PACC1: variants seen among roughly 807,000 people sequenced by gnomAD.
PACC1 encodes the protein proton activated chloride channel 1.
PACC1 carries 34 observed loss-of-function variants against 39.7 expected under a neutral mutation model. The observed-to-expected ratio is 0.86, with a 90% CI of 0.65 to 1.14. The LOEUF is 1.14. PACC1 is among the 50% of genes most tolerant of loss of function. The probability of loss-of-function intolerance (pLI) is 0.00; values close to 1 mark genes in which losing one functional copy is unlikely to be tolerated. For synonymous variants in PACC1, 127 were observed against 160.6 expected (o/e 0.79, Z 1.58); for missense variants, 379 against 436.4 (o/e 0.87, Z 1.17).
At chr1:212,381,958 T>G (rs1397091918) in intron 4 of PACC1, among the ~76,000 whole-genome samples, 1 of 152,220 alleles carries the variant, frequency 6.6e-6, no homozygotes, top group Admixed American at 6.5e-5. Context: ...TCTCAGCCAT[T>G]GTATTTGCAG....
intron 7 of PACC1, among the ~76,000 whole-genome samples, chr1:212,372,199 C>A (rs1375792886): frequency 2.6e-5 from 4 of 150,968 alleles, no homozygotes; most frequent in Non-Finnish European, 4.4e-5. Flanking sequence ...GCACAAGAAT[C>A]ATTTGAACCT....
At chr1:212,366,949 C>T (rs1400658175) in intron 7 of PACC1, among the ~76,000 whole-genome samples, 1 of 152,178 alleles carries the variant, frequency 6.6e-6, no homozygotes, top group African/African-American at 2.4e-5. Flanking sequence ...AAACAGTTTC[C>T]TGTAAGCCAT....
At chr1:212,377,424 G>T in intron 6 of PACC1, 138 bp downstream of exon 6, 1 of 1,162,462 alleles carries the variant, frequency 8.6e-7, no homozygotes, top group Non-Finnish European at 1.2e-6. Flanking sequence ...CTCCATGGGA[G>T]TCCCTTCTCA....
chr1:212,378,952 C>CT (rs141994711), intron 5 of PACC1, among the ~76,000 whole-genome samples: 22,265 of 143,298 alleles, frequency 0.16, 2,340 homozygotes, highest in East Asian at 0.42. Context: ...TTATGATTTC[C>CT]TTTTTTTTTT....
chr1:212,393,074 C>T (rs1247212481), intron 2 of PACC1, among the ~76,000 whole-genome samples: 4 of 152,202 alleles, frequency 2.6e-5, no homozygotes, highest in Non-Finnish European at 4.4e-5. Context: ...TTCAGCTCTG[C>T]ACCAAGCAGA....
chr1:212,400,306 G>A (rs765044125), intron 2 of PACC1, among the ~76,000 whole-genome samples: 2 of 152,196 alleles, frequency 1.3e-5, no homozygotes, highest in Non-Finnish European at 2.9e-5. Context: ...GTTAAGGAAA[G>A]AGATGAAGTT....
chr1:212,379,699 C>T (rs950200973), intron 5 of PACC1, among the ~76,000 whole-genome samples, 196 bp downstream of exon 5: 3 of 152,200 alleles, frequency 2.0e-5, no homozygotes, highest in Non-Finnish European at 4.4e-5. Flanking sequence ...TCCTCCACAC[C>T]AGATTTGCTT....
chr1:212,398,596 G>C (rs1204963497), intron 2 of PACC1, among the ~76,000 whole-genome samples: 1 of 152,220 alleles, frequency 6.6e-6, no homozygotes, highest in Non-Finnish European at 1.5e-5. Flanking sequence ...GGGTAGCTGA[G>C]AGCTAAGCCA....
intron 2 of PACC1, among the ~76,000 whole-genome samples, chr1:212,401,185 C>T (rs1661696318): frequency 6.6e-6 from 1 of 151,948 alleles, no homozygotes. Context: ...TTTTCATTAC[C>T]CAAAAAGAAA....
intron 7 of PACC1, among the ~76,000 whole-genome samples, chr1:212,370,204 C>T (rs140191294): frequency 4.6e-5 from 7 of 152,274 alleles, no homozygotes; most frequent in Admixed American, 2.6e-4. Context: ...CGGAGGCTCA[C>T]GCCTGTAATC....
intron 7 of PACC1, among the ~76,000 whole-genome samples, chr1:212,367,371 T>G (rs868030062): frequency 1.1e-4 from 17 of 151,890 alleles, no homozygotes; most frequent in Middle Eastern, 3.4e-3. Context: ...GAGAGGGAAG[T>G]GAGTCTGGAA....
intron 6 of PACC1, among the ~76,000 whole-genome samples, chr1:212,376,124 C>G (rs1465682273): frequency 6.6e-6 from 1 of 152,048 alleles, no homozygotes; most frequent in Non-Finnish European, 1.5e-5. Flanking sequence ...ATCTGGTTGT[C>G]AATTACTAAA....
intron 1 of PACC1, among the ~76,000 whole-genome samples, chr1:212,412,733 C>T (rs570787340): frequency 1.4e-4 from 22 of 152,296 alleles, no homozygotes; most frequent in Middle Eastern, 6.8e-3. Context: ...GCTAGGCTGG[C>T]TATGTGTGGA....
Position 212,365,216 on chromosome 1 carries a change from C to A in PACC1, c.1052G>T (p.Ter351LeuextTer22). Residue 351 changes from the stop codon to leucine (L), a stop_lost, in exon 8 of 8, where the codon TGA becomes TTA. Coordinates refer to ENST00000261455, the MANE Select transcript of PACC1 (RefSeq NM_018252.3). Reference protein sequence around the residue: ...RRGQATSHIS* With the variant: ...RRGQATSHISL ...TTCTCTAAACAACGCGAGGTGACTT[C>A]AGCTTATGTGGCTCGTTGCCTGACC... 1 of 1,612,630 alleles carries A rather than the reference C, an allele frequency of 6.2e-7. No individual in the cohort carries two copies. Among genetic ancestry groups the A allele is most frequent in the Non-Finnish European group, 8.5e-7 (1 of 1,179,424 alleles).
At chr1:212,405,551 G>A (rs1345312352) in intron 2 of PACC1, among the ~76,000 whole-genome samples, 1 of 152,120 alleles carries the variant, frequency 6.6e-6, no homozygotes, top group Non-Finnish European at 1.5e-5. Context: ...CTGAGTTCCT[G>A]GAGGAACTTA....
chr1:212,410,835 C>T (rs917002482), intron 1 of PACC1, among the ~76,000 whole-genome samples: 2 of 152,210 alleles, frequency 1.3e-5, no homozygotes, highest in African/African-American at 4.8e-5. Flanking sequence ...TTGGCTCCTT[C>T]TTCTACGAGT....
At chr1:212,370,272 C>T (rs186921835) in intron 7 of PACC1, among the ~76,000 whole-genome samples, 87 of 152,342 alleles carry the variant, frequency 5.7e-4, no homozygotes, top group African/African-American at 2.0e-3. Context: ...TGAGACCATC[C>T]TGGCTAACAC....
At chr1:212,403,295 GTCC>G (rs1013997809) in intron 2 of PACC1, among the ~76,000 whole-genome samples, 2 of 152,138 alleles carry the variant, frequency 1.3e-5, no homozygotes, top group African/African-American at 4.8e-5. Flanking sequence ...CTGCTACACT[GTCC>G]TCCTTTCTTG....
intron 6 of PACC1, among the ~76,000 whole-genome samples, chr1:212,376,093 T>G (rs1220397982): frequency 6.6e-6 from 1 of 152,152 alleles, no homozygotes; most frequent in Non-Finnish European, 1.5e-5. Context: ...CTGTAAATAC[T>G]TAGTAGGTGT....
Sources: allele counts gnomAD v4.1 joint callset (sites outside exome capture counted in the v4.1 genomes callset), GRCh38; gene constraint gnomAD v4.1.1; transcripts MANE v1.5; gene names NCBI Gene and HGNC (gene_info 2026-07-23, HGNC 2026-07-21).